The following SLK variants were observed in gnomAD, a reference collection of about 807,000 sequenced individuals.
The protein encoded by SLK is STE20 like kinase.
A neutral mutation model predicts 147.7 loss-of-function variants in SLK; 67 were observed. The observed-to-expected ratio is 0.45, with a 90% CI of 0.37 to 0.56. The LOEUF is 0.56. SLK is among the 20% of genes least tolerant of loss of function. SLK has a pLI of 0.00. For missense variants in SLK, 1,136 were observed against 1,438.8 expected, an observed-to-expected ratio of 0.79 and a Z score of 3.41; for synonymous variants, 441 against 475.0, an observed-to-expected ratio of 0.93 and a Z score of 0.93.
intron 1 of SLK, among the ~76,000 whole-genome samples, chr10:103,974,273 G>A (rs1030006529): frequency 6.6e-6 from 1 of 151,826 alleles, no homozygotes; most frequent in African/African-American, 2.4e-5. Flanking sequence ...CATCTTACTT[G>A]ACCTGTCATT....
rs1844489368 is a variant in SLK at position 104,018,262 on chromosome 10, C to T, written c.2980C>T (p.Leu994=). Residue 994 remains leucine (L), a synonymous_variant, in exon 14 of 19, where the codon CTG becomes TTG. Transcript: ENST00000369755. ...GTTAGCTAATATTGAGAGAGAGTGC[C>T]TGAATAACAAGCAACAGCTCATGAG... The part of the protein sequence containing the change: ...AELANIEREC[L]NNKQQLMRAR... 1 of 1,594,740 alleles carries T rather than the reference C, an allele frequency of 6.3e-7. No homozygotes were observed. The highest frequency in any genetic ancestry group is 8.5e-7 in the Non-Finnish European group (1 of 1,175,352).
chr10:104,016,685 T>C (rs1397100370), intron 13 of SLK, among the ~76,000 whole-genome samples: 2 of 152,154 alleles, frequency 1.3e-5, no homozygotes, highest in African/African-American at 2.4e-5. Context: ...AACACCAAAT[T>C]AGTTCACTCT....
In SLK at chr10:104,002,175, A is replaced by G. The variant is rs544469688; in HGVS notation, c.997A>G (p.Ile333Val). 2 of 1,567,386 alleles carry G rather than the reference A, an allele frequency of 1.3e-6. No homozygotes were observed. The highest frequency in any genetic ancestry group is 2.3e-5 in the East Asian group (1 of 44,374). Residue 333 changes from isoleucine to valine, a missense_variant, in exon 9 of 19, where the codon ATA becomes GTA. Ile to Val is a conservative substitution (Grantham distance 29, BLOSUM62 3). Transcript: ENST00000369755. ...AAATACATTAAATCTTTTTTAGCCAATACCTGCAAGTAAGCGTGCATCTTC... is the reference window on the plus strand; with the variant it reads ...AAATACATTAAATCTTTTTTAGCCAGTACCTGCAAGTAAGCGTGCATCTTC... Reference protein sequence around the residue: ...EEEETENSLPIPASKRASSDL... With the variant: ...EEEETENSLPVPASKRASSDL...
At chr10:104,013,422 TA>T (rs1483372215) in intron 13 of SLK, among the ~76,000 whole-genome samples, 30 of 152,356 alleles carry the variant, frequency 2.0e-4, no homozygotes, top group African/African-American at 7.2e-4. Context: ...GGGGTTCTAC[TA>T]GCTTAAAAAA....
chr10:103,992,575 T>C (rs1163678879), intron 2 of SLK, 23 bp from the exon 3 acceptor site: 28 of 216,392 alleles, frequency 1.3e-4, no homozygotes, highest in African/African-American at 1.1e-3. Flanking sequence ...GACACACGCT[T>C]TTTTTTTTTT....
chr10:103,985,579 G>A (rs11191891), intron 1 of SLK, among the ~76,000 whole-genome samples: 32,330 of 151,754 alleles, frequency 0.21, 3,766 homozygotes, highest in African/African-American at 0.32. Flanking sequence ...TTGTTTTTTA[G>A]ATTCCTTTTG....
intron 1 of SLK, among the ~76,000 whole-genome samples, chr10:103,968,789 C>T (rs1217793463): frequency 6.6e-6 from 1 of 152,148 alleles, no homozygotes. Flanking sequence ...TTGGCCCCCA[C>T]AAAAATCTTG....
In SLK at chr10:104,002,849, G is replaced by C; in HGVS notation, c.1671G>C (p.Val557=). 1 of 1,614,058 alleles carries C rather than the reference G, an allele frequency of 6.2e-7. No individual in the cohort carries two copies. ...DVIGTCEAAD[V]AQKVDEDSAE... ...TAGGAACATGTGAGGCAGCAGATGTGGCTCAGAAAGTGGATGAAGACAGTG... is the reference window on the plus strand; with the variant it reads ...TAGGAACATGTGAGGCAGCAGATGTCGCTCAGAAAGTGGATGAAGACAGTG... Residue 557 remains valine (V), a synonymous_variant, in exon 9 of 19, where the codon GTG becomes GTC. Transcript: ENST00000369755.
rs1844322951 is a variant in SLK at position 104,006,134 on chromosome 10, C to T, written c.2604+99C>T. The T allele has an allele frequency of 2.5e-6, 3 of 1,210,192 alleles. No individual in the cohort carries two copies. The Admixed American group carries it at 8.1e-5, about 33-fold the overall frequency. The allele number at this position is 1,210,192 out of a possible 1,614,324, so 75.0% of individuals were successfully genotyped here. ...AACAAAAAAGGTTGTAGAACTTGTT[C>T]TCTGATTGCCAGATTTCTCTAGCTT... is the stretch of plus-strand genomic sequence containing the variant. On this transcript the variant is annotated intron_variant, in intron 11 of 18. Coordinates refer to ENST00000369755, the MANE Select transcript of SLK (RefSeq NM_014720.4).
At chr10:103,996,662 T>G (rs958689662) in intron 4 of SLK, among the ~76,000 whole-genome samples, 8 of 152,196 alleles carry the variant, frequency 5.3e-5, no homozygotes, top group Admixed American at 3.9e-4. Flanking sequence ...CCTCCCAAAG[T>G]GCTGGGATTG....
Position 104,005,895 on chromosome 10 carries a change from C to T in SLK, c.2481-17C>T, listed in dbSNP as rs768824587. ...ATTTTTGCTGTCTTCTCTATCATTA[C>T]CATTAAATTTTATCAGACGTCAGGA... On this transcript the variant is annotated splice_polypyrimidine_tract_variant and intron_variant, in intron 10 of 18. Transcript: ENST00000369755. 19 of 1,593,724 alleles carry T rather than the reference C, an allele frequency of 1.2e-5. No individual in the cohort carries two copies. The highest frequency in any genetic ancestry group is 6.8e-5 in the African/African-American group (5 of 73,138).
At chr10:104,014,020 C>A (rs992175552) in intron 13 of SLK, among the ~76,000 whole-genome samples, 3 of 152,070 alleles carry the variant, frequency 2.0e-5, no homozygotes, top group Admixed American at 6.5e-5. Context: ...AACTAGAGCA[C>A]TTTTAACACG....
intron 1 of SLK, among the ~76,000 whole-genome samples, chr10:103,983,400 T>C (rs1843971569): frequency 6.6e-6 from 1 of 152,200 alleles, no homozygotes; most frequent in Non-Finnish European, 1.5e-5. Context: ...CTCTGTACCT[T>C]AGCTCTCCCA....
chr10:104,025,517 A>G, intron 18 of SLK, 57 bp from the exon 19 acceptor site: 1 of 1,530,786 alleles, frequency 6.5e-7, no homozygotes, highest in Non-Finnish European at 8.9e-7. Context: ...GGCTGTCAGC[A>G]TAAATTCTAT....
chr10:103,982,203 TTC>T (rs1163346086), intron 1 of SLK, among the ~76,000 whole-genome samples: 1 of 152,202 alleles, frequency 6.6e-6, no homozygotes, highest in Non-Finnish European at 1.5e-5. Context: ...TCTTTTTGTG[TTC>T]TGTTTTTCAT....
intron 1 of SLK, among the ~76,000 whole-genome samples, chr10:103,984,785 G>A (rs1378267538): frequency 6.6e-6 from 1 of 152,048 alleles, no homozygotes; most frequent in Non-Finnish European, 1.5e-5. Context: ...TTTGTTGACT[G>A]TCCACTCCCC....
At chr10:103,986,822 G>A (rs1259659643) in intron 1 of SLK, among the ~76,000 whole-genome samples, 1 of 152,008 alleles carries the variant, frequency 6.6e-6, no homozygotes, top group Non-Finnish European at 1.5e-5. Flanking sequence ...GGGATTACAG[G>A]CATCCGCCAC....
chr10:103,973,229 A>G (rs760939563), intron 1 of SLK, among the ~76,000 whole-genome samples: 1 of 152,212 alleles, frequency 6.6e-6, no homozygotes, highest in African/African-American at 2.4e-5. Context: ...GTAGGGGTCC[A>G]GTTTCATTTT....
intron 3 of SLK, 86 bp from the exon 4 acceptor site, chr10:103,992,898 G>A: frequency 1.1e-6 from 1 of 924,516 alleles, no homozygotes; most frequent in Non-Finnish European, 1.7e-6. Flanking sequence ...CTTTGACAGT[G>A]ATGATATATA....
Sources: gnomAD v4.1 joint callset for allele counts (sites outside exome capture counted in the v4.1 genomes callset) on GRCh38, gnomAD v4.1.1 for gene constraint, MANE v1.5 for transcripts, NCBI Gene and HGNC (gene_info 2026-07-23, HGNC 2026-07-21) for gene names.